The following PCDH15 variants were observed in gnomAD, a reference collection of about 807,000 sequenced individuals.
PCDH15 encodes protocadherin-15.
A neutral mutation model predicts 178.5 loss-of-function variants in PCDH15; 129 were observed. That is an observed-to-expected ratio of 0.72 (90% CI 0.63 to 0.84). The LOEUF (loss-of-function observed/expected upper bound fraction) is 0.84. Ranked by LOEUF, PCDH15 falls within the 40% of genes least tolerant of loss-of-function variation. The pLI is 0.00. For missense variants in PCDH15, 2,230 were observed against 2,099.9 expected, an observed-to-expected ratio of 1.06 and a Z score of -1.21; for synonymous variants, 800 against 732.0, an observed-to-expected ratio of 1.09 and a Z score of -1.50.
intron 2 of PCDH15, among the ~76,000 whole-genome samples, chr10:54,924,667 A>T (rs1837572045): frequency 6.6e-6 from 1 of 151,922 alleles, no homozygotes; most frequent in Non-Finnish European, 1.5e-5. Flanking sequence ...ATCCCATTAT[A>T]GTTTTGATTT....
intron 23 of PCDH15, among the ~76,000 whole-genome samples, chr10:53,942,936 A>G (rs16937842): frequency 0.068 from 10,388 of 152,260 alleles, 1,028 homozygotes; most frequent in African/African-American, 0.21. Flanking sequence ...TTGTTAATTT[A>G]TGACAGATCA....
chr10:54,403,194 G>A (rs2135503466), intron 3 of PCDH15, among the ~76,000 whole-genome samples: 1 of 152,092 alleles, frequency 6.6e-6, no homozygotes, highest in South Asian at 2.1e-4. Context: ...AAAATCCAGA[G>A]CAAGGACCTA....
intron 1 of PCDH15, among the ~76,000 whole-genome samples, chr10:54,759,126 C>A (rs1341187672): frequency 6.6e-6 from 1 of 152,182 alleles, no homozygotes; most frequent in Non-Finnish European, 1.5e-5. Context: ...GAAATAAAAT[C>A]ACTTAAAATT....
At chr10:55,352,701 G>A (rs1439676344) in intron 2 of PCDH15, among the ~76,000 whole-genome samples, 2 of 152,068 alleles carry the variant, frequency 1.3e-5, no homozygotes, top group Non-Finnish European at 2.9e-5. Flanking sequence ...TTAAGCAAAA[G>A]TAAGGCTCCA....
chr10:55,553,084 C>G (rs1036699903), intron 2 of PCDH15, among the ~76,000 whole-genome samples: 1 of 151,498 alleles, frequency 6.6e-6, no homozygotes, highest in Non-Finnish European at 1.5e-5. Flanking sequence ...ATAAATATCT[C>G]TCAATTTTTC....
At chr10:55,596,419 A>G (rs191262715) in intron 2 of PCDH15, among the ~76,000 whole-genome samples, 1 of 152,232 alleles carries the variant, frequency 6.6e-6, no homozygotes, top group African/African-American at 2.4e-5. Flanking sequence ...AAGTATTTCA[A>G]ATAATGAGTA....
intron 20 of PCDH15, among the ~76,000 whole-genome samples, chr10:54,004,881 G>T (rs2092327455): frequency 6.6e-6 from 1 of 150,414 alleles, no homozygotes; most frequent in Non-Finnish European, 1.5e-5. Context: ...AAAACACCTG[G>T]AGGAATCACA....
At chr10:54,517,749 A>G (rs1466686152) in intron 3 of PCDH15, among the ~76,000 whole-genome samples, 2 of 152,174 alleles carry the variant, frequency 1.3e-5, no homozygotes, top group African/African-American at 2.4e-5. Flanking sequence ...CCAAATCAAC[A>G]GAATATACAT....
intron 23 of PCDH15, among the ~76,000 whole-genome samples, chr10:53,958,255 A>AT (rs1170379868): frequency 6.6e-6 from 1 of 152,100 alleles, no homozygotes; most frequent in East Asian, 1.9e-4. Flanking sequence ...TTTTCTTTGG[A>AT]TAGACTAAAC....
intron 2 of PCDH15, among the ~76,000 whole-genome samples, chr10:55,357,273 A>T (rs1424412157): frequency 1.3e-5 from 2 of 151,964 alleles, no homozygotes; most frequent in East Asian, 3.9e-4. Context: ...TATTTAGAAT[A>T]TTTTTTAAAC....
In PCDH15 at chr10:54,462,512, C is replaced by CTTT. The variant is rs562731025; in HGVS notation, c.157+65297_157+65299dup. 5.8e-3 allele frequency among the ~76,000 whole-genome samples: 384 copies of CTTT among 66,666 alleles called. 15 individuals are homozygous for CTTT. The highest frequency in any genetic ancestry group is 0.019 in the African/African-American group (259 of 13,546). The allele number at this position is 66,666 out of a possible 152,430, so 43.7% of individuals were successfully genotyped here. A position where few individuals can be genotyped will look rare whatever the true frequency, so the allele number is the denominator to read the frequency against. ...TTTCTTTTCTTTTTCTTTTTCTTTTCTTTTTTTTTTTTTTTTTTTTGAGAT... is the reference window on the plus strand; with the variant it reads ...TTTCTTTTCTTTTTCTTTTTCTTTTCTTTTTTTTTTTTTTTTTTTTTTTGAGAT... On this transcript the variant is annotated intron_variant, in intron 3 of 37. Transcript: ENST00000644397.
chr10:54,847,147 T>C (rs2131759906), intron 3 of PCDH15, among the ~76,000 whole-genome samples: 1 of 152,278 alleles, frequency 6.6e-6, no homozygotes, highest in African/African-American at 2.4e-5. Flanking sequence ...ATGTGAAAAA[T>C]GCATAGACTT....
intron 2 of PCDH15, among the ~76,000 whole-genome samples, chr10:55,602,758 C>A (rs1252373533): frequency 1.3e-5 from 2 of 152,118 alleles, no homozygotes; most frequent in East Asian, 1.9e-4. Flanking sequence ...CATCAAAGAC[C>A]AAAAGTGGAT....
At position 54,622,618 on chromosome 10, in the gene PCDH15, AAT is replaced by A. The variant is rs1248784783; in HGVS notation, c.91+41552_91+41553del. Among the ~76,000 whole-genome samples the A allele has an allele frequency of 2.3e-4, 22 of 97,048 alleles. 1 individual carries two copies. The highest frequency in any genetic ancestry group is 2.3e-4 in the African/African-American group (5 of 22,198). 63.7% of individuals were successfully genotyped at this position (97,048 alleles called of 152,430 possible). On this transcript the variant is annotated intron_variant, in intron 2 of 37. Transcript: ENST00000644397. ...ATATATAATATATATAATTATATAT[AAT>A]ATATATAATATATATTATATAATTA...
rs541144266 is a variant in PCDH15 at position 55,547,910 on chromosome 10, T to TGTGTGAGA, written c.-156+79714_-156+79715insTCTCACAC. 4.8e-3 allele frequency among the ~76,000 whole-genome samples: 260 copies of TGTGTGAGA among 54,498 alleles called. 7 individuals are homozygous for TGTGTGAGA. Among genetic ancestry groups the TGTGTGAGA allele is most frequent in the Admixed American group, 0.028 (131 of 4,740 alleles). 35.8% of individuals were successfully genotyped at this position (54,498 alleles called of 152,430 possible). Reference sequence around the variant, plus strand: ...TGGTGTGTGTGTCTGTGTGTGTGTGTGAGAGAGAGAGAGAGAGAGAGAGAG... The same window carrying TGTGTGAGA: ...TGGTGTGTGTGTCTGTGTGTGTGTGTGTGTGAGAGAGAGAGAGAGAGAGAGAGAGAGAG... On this transcript the variant is annotated intron_variant, in intron 2 of 5. Coordinates refer to the PCDH15 transcript ENST00000613346.
intron 2 of PCDH15, among the ~76,000 whole-genome samples, chr10:55,096,536 A>C (rs1307158608): frequency 6.6e-6 from 1 of 152,148 alleles, no homozygotes; most frequent in Non-Finnish European, 1.5e-5. Context: ...TCAAGTGTAC[A>C]ATACATTGTT....
intron 15 of PCDH15, among the ~76,000 whole-genome samples, chr10:54,099,513 A>AAAAAAAAAAAAAT (rs1347306483): frequency 2.0e-4 from 23 of 117,888 alleles, no homozygotes; most frequent in African/African-American, 5.4e-4. Context: ...AAAAAAAAAA[A>AAAAAAAAAAAAAT]ATATATATAT....
intron 1 of PCDH15, among the ~76,000 whole-genome samples, chr10:55,233,888 AC>A (rs1168367574): frequency 6.6e-6 from 1 of 152,070 alleles, no homozygotes; most frequent in Non-Finnish European, 1.5e-5. Context: ...CAATGAGACC[AC>A]CCCCAAAAAT....
intron 2 of PCDH15, chr10:54,528,480 A>G (rs1337772951): frequency 1.8e-6 from 2 of 1,115,266 alleles, no homozygotes; most frequent in Non-Finnish European, 2.6e-6. Flanking sequence ...GAATATATGT[A>G]TATATTTAGT....
Sources: allele counts gnomAD v4.1 joint callset (sites outside exome capture counted in the v4.1 genomes callset), GRCh38; gene constraint gnomAD v4.1.1; transcripts MANE v1.5; gene names NCBI Gene and HGNC (gene_info 2026-07-23, HGNC 2026-07-21).